The following WLS variants were observed in gnomAD, a reference collection of about 807,000 sequenced individuals.
WLS encodes the protein Wnt ligand secretion mediator, also known as protein wntless homolog.
A neutral mutation model predicts 62.8 loss-of-function variants in WLS; 23 were observed. The ratio of observed to expected loss-of-function variants is 0.37; its 90% CI spans 0.26 to 0.52. WLS has a LOEUF of 0.52. Among genes scored for constraint, WLS ranks in the 20% least tolerant of loss-of-function variants. The pLI is 0.92. For missense variants in WLS, 615 were observed against 697.3 expected (o/e 0.88, Z 1.33); for synonymous variants, 246 against 244.1 (o/e 1.01, Z -0.07).
At chr1:68,171,707 T>G (rs998212931) in intron 2 of WLS, among the ~76,000 whole-genome samples, 1 of 152,326 alleles carries the variant, frequency 6.6e-6, no homozygotes, top group East Asian at 1.9e-4. Context: ...ACTTTTACAC[T>G]GTTGGTAAGA....
chr1:68,177,023 C>T (rs1034348662), intron 2 of WLS, among the ~76,000 whole-genome samples: 1 of 152,210 alleles, frequency 6.6e-6, no homozygotes, highest in African/African-American at 2.4e-5. Context: ...GGTTGTCTCC[C>T]ATACACCTCT....
intron 1 of WLS, among the ~76,000 whole-genome samples, chr1:68,223,326 TATAGCACAGGAACTAATGTTAG>T (rs777029780): frequency 2.6e-5 from 4 of 152,206 alleles, no homozygotes; most frequent in Non-Finnish European, 5.9e-5. Flanking sequence ...AATACTTGGT[TATAGCACAGGAACTAATGTTAG>T]AAAGCAGGAT....
rs796491480 is a variant in WLS, at chr1:68,162,336, G to A, written c.380-3089C>T. The A allele has an allele frequency of 3.1e-6, 5 of 1,613,864 alleles. No individual in the cohort carries two copies. In the Middle Eastern group the frequency reaches 5.0e-4, roughly 160 times the overall value. On this transcript the variant is annotated intron_variant, in intron 2 of 11. Transcript: ENST00000262348. ...TCTGCTTTATGGTAAAGTCATTGAT[G>A]AGGTGGTGGTTATGTTCGTTGAGAT... is the stretch of plus-strand genomic sequence containing the variant.
At chr1:68,174,331 GGC>G (rs1647198849) in intron 2 of WLS, among the ~76,000 whole-genome samples, 3 of 152,122 alleles carry the variant, frequency 2.0e-5, no homozygotes, top group Admixed American at 2.0e-4. Flanking sequence ...TGTTTCATAC[GGC>G]TTATGTGGGG....
intron 1 of WLS, among the ~76,000 whole-genome samples, chr1:68,206,681 T>C (rs921308748): frequency 2.0e-5 from 3 of 152,244 alleles, no homozygotes; most frequent in African/African-American, 4.8e-5. Flanking sequence ...GGACTCATGA[T>C]TGCTGGGTTC....
intron 11 of WLS, among the ~76,000 whole-genome samples, chr1:68,129,396 GATAA>G (rs2100391177): frequency 6.6e-6 from 1 of 152,316 alleles, no homozygotes; most frequent in East Asian, 1.9e-4. Context: ...TTTTGTATCT[GATAA>G]ATTTATAGCA....
chr1:68,193,632 A>C (rs1648492014), intron 2 of WLS, among the ~76,000 whole-genome samples: 1 of 151,988 alleles, frequency 6.6e-6, no homozygotes, highest in Non-Finnish European at 1.5e-5. Flanking sequence ...GACACTAGAG[A>C]GGTGGTGAAG....
chr1:68,220,671 C>G (rs946771413), intron 1 of WLS, among the ~76,000 whole-genome samples: 3 of 152,186 alleles, frequency 2.0e-5, no homozygotes, highest in African/African-American at 7.2e-5. Context: ...CATGAACTAT[C>G]AAATGGAAAA....
chr1:68,190,450 G>T (rs1021325958), intron 2 of WLS, among the ~76,000 whole-genome samples: 1 of 152,236 alleles, frequency 6.6e-6, no homozygotes, highest in African/African-American at 2.4e-5. Flanking sequence ...TACAGCAGAA[G>T]TGATGGAATG....
chr1:68,110,442 C>T (rs1331867752), intron 11 of WLS, among the ~76,000 whole-genome samples: 2 of 141,546 alleles, frequency 1.4e-5, no homozygotes, highest in Non-Finnish European at 3.1e-5. Flanking sequence ...AAATAAAAGT[C>T]TCAATAATTT....
intron 11 of WLS, among the ~76,000 whole-genome samples, chr1:68,128,774 A>G (rs1371423543): frequency 6.6e-6 from 1 of 152,208 alleles, no homozygotes; most frequent in Admixed American, 6.5e-5. Context: ...AATGCACTTA[A>G]TTCTCATAGC....
At chr1:68,109,851 AAT>A (rs1646198138) in intron 11 of WLS, among the ~76,000 whole-genome samples, 1 of 152,068 alleles carries the variant, frequency 6.6e-6, no homozygotes, top group Admixed American at 6.6e-5. Context: ...GAATGGGCAA[AAT>A]ATGAGATGAG....
chr1:68,136,635 A>G (rs982140102), intron 11 of WLS, among the ~76,000 whole-genome samples: 1 of 152,220 alleles, frequency 6.6e-6, no homozygotes, highest in Admixed American at 6.5e-5. Context: ...ATGTTTGACT[A>G]CCTAAATTTA....
chr1:68,142,112 G>A (rs545661991), intron 10 of WLS, among the ~76,000 whole-genome samples: 18 of 152,338 alleles, frequency 1.2e-4, no homozygotes, highest in Admixed American at 5.9e-4. Flanking sequence ...GCTATAAGAA[G>A]TACACTAATT....
intron 2 of WLS, among the ~76,000 whole-genome samples, chr1:68,169,544 C>A (rs910941737): frequency 3.9e-5 from 6 of 152,166 alleles, no homozygotes; most frequent in Non-Finnish European, 8.8e-5. Flanking sequence ...AATTTGCATG[C>A]TCACTTTTCA....
rs187805454 is a variant in WLS, at chr1:68,181,368, T to A, written c.379+12587A>T. ...TATTTTAGTAATCAGGATATACTTGTATGGATGCAAAGAGAATATCCTCAT... is the reference window on the plus strand; with the variant it reads ...TATTTTAGTAATCAGGATATACTTGAATGGATGCAAAGAGAATATCCTCAT... On this transcript the variant is annotated intron_variant, in intron 2 of 11. Transcript: ENST00000262348. 8.5e-5 allele frequency among the ~76,000 whole-genome samples: 13 copies of A among 152,324 alleles called. No individual in the cohort carries two copies. In the East Asian group the frequency reaches 2.5e-3, roughly 29 times the overall value.
intron 2 of WLS, among the ~76,000 whole-genome samples, chr1:68,184,897 C>T (rs536438887): frequency 6.6e-6 from 1 of 152,066 alleles, no homozygotes; most frequent in Non-Finnish European, 1.5e-5. Context: ...TTAAAACTAC[C>T]ACCATTTAGA....
chr1:68,184,263 A>G (rs1463292127), intron 2 of WLS, among the ~76,000 whole-genome samples: 5 of 152,216 alleles, frequency 3.3e-5, no homozygotes, highest in Non-Finnish European at 5.9e-5. Flanking sequence ...TTCTCAAAAG[A>G]AGCCCTTGGA....
chr1:68,118,570 A>G (rs1242393878), intron 11 of WLS, among the ~76,000 whole-genome samples: 1 of 152,172 alleles, frequency 6.6e-6, no homozygotes, highest in Non-Finnish European at 1.5e-5. Flanking sequence ...ATCTGCCCCA[A>G]ATGCTTACAA....
Sources: allele counts gnomAD v4.1 joint callset (sites outside exome capture counted in the v4.1 genomes callset), GRCh38; gene constraint gnomAD v4.1.1; transcripts MANE v1.5; gene names NCBI Gene and HGNC (gene_info 2026-07-23, HGNC 2026-07-21).